The following ELOVL6 variants were observed in gnomAD, a reference collection of about 807,000 sequenced individuals.
ELOVL6 encodes ELOVL fatty acid elongase 6.
A neutral mutation model predicts 31.7 loss-of-function variants in ELOVL6; 8 were observed. The observed-to-expected ratio is 0.25, with a 90% CI of 0.15 to 0.45. The LOEUF is 0.45. Among genes scored for constraint, ELOVL6 ranks in the 20% least tolerant of loss-of-function variants. The pLI, the probability that ELOVL6 is intolerant of heterozygous loss-of-function variation, is 1.00. For synonymous variants in ELOVL6, 101 were observed against 117.7 expected (o/e 0.86, Z 0.92); for missense variants, 126 against 326.4 (o/e 0.39, Z 4.73).
At chr4:110,172,031 A>G (rs1758964313) in intron 1 of ELOVL6, among the ~76,000 whole-genome samples, 1 of 152,094 alleles carries the variant, frequency 6.6e-6, no homozygotes. Flanking sequence ...TGTTTCCCTG[A>G]GTTCTCTGAG....
intron 1 of ELOVL6, among the ~76,000 whole-genome samples, chr4:110,184,135 T>C (rs947604627): frequency 6.6e-6 from 1 of 152,238 alleles, no homozygotes; most frequent in African/African-American, 2.4e-5. Context: ...TGTTTTCTTC[T>C]TAAAAATGAG....
At chr4:110,143,404 TAAGGTCA>T (rs1480702294) in intron 1 of ELOVL6, among the ~76,000 whole-genome samples, 1 of 152,216 alleles carries the variant, frequency 6.6e-6, no homozygotes, top group African/African-American at 2.4e-5. Context: ...CATCTGAGAA[TAAGGTCA>T]GAAAATTTCA....
At chr4:110,052,258 T>G (rs997026764) in intron 3 of ELOVL6, among the ~76,000 whole-genome samples, 1 of 152,230 alleles carries the variant, frequency 6.6e-6, no homozygotes, top group African/African-American at 2.4e-5. Context: ...GTTCTAAGGC[T>G]TCTCTAGAGT....
chr4:110,067,943 A>T (rs553744653), intron 2 of ELOVL6, among the ~76,000 whole-genome samples: 1 of 152,354 alleles, frequency 6.6e-6, no homozygotes, highest in South Asian at 2.1e-4. Flanking sequence ...ATTTAAAAAA[A>T]TGATACCTTA....
intron 1 of ELOVL6, among the ~76,000 whole-genome samples, chr4:110,195,026 GAAAAAGGT>G: frequency 6.6e-6 from 1 of 152,234 alleles, no homozygotes; most frequent in Admixed American, 6.5e-5. Flanking sequence ...TAATGAGTCT[GAAAAAGGT>G]AAGATTTTAT....
chr4:110,118,919 C>T (rs557966634), intron 1 of ELOVL6, among the ~76,000 whole-genome samples: 28 of 152,130 alleles, frequency 1.8e-4, no homozygotes, highest in African/African-American at 5.8e-4. Context: ...AAATTAGCCA[C>T]GCATGGTGGT....
In ELOVL6 at chr4:110,198,367, T is replaced by G. The variant is rs1370599652; in HGVS notation, c.-32A>C. 8.4e-6 allele frequency: 11 copies of G among 1,303,130 alleles called. No individual in the cohort carries two copies. The highest frequency in any genetic ancestry group is 1.7e-5 in the Admixed American group (1 of 57,186). 80.7% of individuals were successfully genotyped at this position (1,303,130 alleles called of 1,614,324 possible). A position where few individuals can be genotyped will look rare whatever the true frequency, so the allele number is the denominator to read the frequency against. Reference sequence around the variant, plus strand: ...TGATCTTCGGAGTCGCTACGTGTTCTCTATACAAAATAAAATAATCTGTAA... The same window carrying G: ...TGATCTTCGGAGTCGCTACGTGTTCGCTATACAAAATAAAATAATCTGTAA... On this transcript the variant is annotated 5_prime_UTR_variant, in exon 1 of 4. Coordinates refer to ENST00000302274, the MANE Select transcript of ELOVL6 (RefSeq NM_024090.3).
chr4:110,111,358 C>CTTTTTT (rs3033269), intron 1 of ELOVL6, among the ~76,000 whole-genome samples: 8,019 of 144,672 alleles, frequency 0.055, 338 homozygotes, highest in Admixed American at 0.12. Flanking sequence ...CTTAGAATTC[C>CTTTTTT]TTTTTTTTTT....
chr4:110,102,310 A>G (rs1444951597), intron 2 of ELOVL6, among the ~76,000 whole-genome samples: 1 of 152,252 alleles, frequency 6.6e-6, no homozygotes, highest in Non-Finnish European at 1.5e-5. Context: ...AGTCTAAAAA[A>G]GATAAAGTAT....
chr4:110,085,923 C>A (rs1018895581), intron 2 of ELOVL6, among the ~76,000 whole-genome samples: 1 of 152,124 alleles, frequency 6.6e-6, no homozygotes, highest in Non-Finnish European at 1.5e-5. Context: ...CGCCATGTTG[C>A]GATCCACCCA....
At chr4:110,144,054 C>CAAAAAAAAA (rs10716398) in intron 1 of ELOVL6, among the ~76,000 whole-genome samples, 2 of 85,590 alleles carry the variant, frequency 2.3e-5, no homozygotes, top group African/African-American at 8.7e-5. Flanking sequence ...AACTCCATCT[C>CAAAAAAAAA]AAAAAAAAAA....
chr4:110,143,071 C>G (rs1184844342), intron 1 of ELOVL6, among the ~76,000 whole-genome samples: 1 of 152,108 alleles, frequency 6.6e-6, no homozygotes, highest in Non-Finnish European at 1.5e-5. Context: ...GAACATAATA[C>G]ATGTTGACTT....
rs899625270 is a variant in ELOVL6 at position 110,198,547 on chromosome 4, C to T, written c.-212G>A. On this transcript the variant is annotated 5_prime_UTR_variant, in exon 1 of 4. Transcript: ENST00000302274. ...CTGCGCCTCCGCTCCCAGCTCCTCTCTCTGGGGCTCTCCTCCTCCCGGCGT... is the reference window on the plus strand; with the variant it reads ...CTGCGCCTCCGCTCCCAGCTCCTCTTTCTGGGGCTCTCCTCCTCCCGGCGT... 2.0e-6 allele frequency: 1 copy of T among 511,850 alleles called. No homozygotes were observed. The highest frequency in any genetic ancestry group is 2.0e-5 in the African/African-American group (1 of 50,618). 31.7% of individuals were successfully genotyped at this position (511,850 alleles called of 1,614,324 possible).
chr4:110,106,259 A>C (rs1756886816), intron 1 of ELOVL6, among the ~76,000 whole-genome samples: 1 of 152,194 alleles, frequency 6.6e-6, no homozygotes, highest in Non-Finnish European at 1.5e-5. Flanking sequence ...TGGGAGGCTG[A>C]GGCAGAATTG....
chr4:110,090,852 C>T (rs1215600769), intron 2 of ELOVL6, among the ~76,000 whole-genome samples: 1 of 152,074 alleles, frequency 6.6e-6, no homozygotes, highest in Non-Finnish European at 1.5e-5. Flanking sequence ...ATCCACCCGC[C>T]TCGGCCTCCC....
chr4:110,189,497 G>T (rs1759545101), intron 1 of ELOVL6, among the ~76,000 whole-genome samples: 1 of 146,468 alleles, frequency 6.8e-6, no homozygotes, highest in South Asian at 2.2e-4. Flanking sequence ...TGAGGCAGGG[G>T]AACTGCTTGA....
chr4:110,070,870 T>C (rs1293113282), intron 2 of ELOVL6, among the ~76,000 whole-genome samples: 1 of 151,300 alleles, frequency 6.6e-6, no homozygotes, highest in Non-Finnish European at 1.5e-5. Flanking sequence ...GTTGAGTCAA[T>C]TAAACCTCTT....
At chr4:110,190,032 A>C (rs971075041) in intron 1 of ELOVL6, among the ~76,000 whole-genome samples, 8 of 152,054 alleles carry the variant, frequency 5.3e-5, no homozygotes, top group African/African-American at 1.9e-4. Flanking sequence ...TCCCTCCCCA[A>C]AATATATTTC....
At chr4:110,160,463 T>C (rs1343724673) in intron 1 of ELOVL6, among the ~76,000 whole-genome samples, 1 of 152,238 alleles carries the variant, frequency 6.6e-6, no homozygotes, top group Non-Finnish European at 1.5e-5. Context: ...ATATTACTTA[T>C]TGGTCTATGG....
Sources: gnomAD v4.1 joint callset for allele counts (sites outside exome capture counted in the v4.1 genomes callset) on GRCh38, gnomAD v4.1.1 for gene constraint, MANE v1.5 for transcripts, NCBI Gene and HGNC (gene_info 2026-07-23, HGNC 2026-07-21) for gene names.